The following FAM13A variants were observed in gnomAD, a reference collection of about 807,000 sequenced individuals.
The protein encoded by FAM13A is family with sequence similarity 13 member A.
Under a neutral mutation model 129.6 loss-of-function variants are expected in FAM13A, and 76 were observed. The ratio of observed to expected loss-of-function variants is 0.59; its 90% confidence interval spans 0.49 to 0.71. The LOEUF (loss-of-function observed/expected upper bound fraction) is 0.71. Ranked by LOEUF, FAM13A falls within the 30% of genes least tolerant of loss-of-function variation. The pLI is 0.00. For missense variants in FAM13A, 1,108 were observed against 1,249.3 expected (o/e 0.89, Z 1.70); for synonymous variants, 443 against 449.9 (o/e 0.98, Z 0.20).
chr4:88,940,792 T>C (rs1222286720), intron 4 of FAM13A, among the ~76,000 whole-genome samples: 3 of 152,168 alleles, frequency 2.0e-5, no homozygotes, highest in African/African-American at 4.8e-5. Flanking sequence ...CCCTCAGCCA[T>C]TGTAGCATGA....
In FAM13A at chr4:88,809,799, C is replaced by T. The variant is rs982760183; in HGVS notation, c.1008-4747G>A. ...CAACTGGGGAGGTACGTGGCAGCCACTGTTCTGTTGCTTAGGTTTTTGGTT... is the reference window on the plus strand; with the variant it reads ...CAACTGGGGAGGTACGTGGCAGCCATTGTTCTGTTGCTTAGGTTTTTGGTT... On this transcript the variant is annotated intron_variant, in intron 7 of 23. Transcript: ENST00000264344. 4.6e-5 allele frequency among the ~76,000 whole-genome samples: 7 copies of T among 151,100 alleles called. No homozygotes were observed. The South Asian group carries it at 1.5e-3, about 32-fold the overall frequency.
At chr4:88,961,985 T>A (rs907502668) in intron 4 of FAM13A, among the ~76,000 whole-genome samples, 1 of 149,986 alleles carries the variant, frequency 6.7e-6, no homozygotes, top group African/African-American at 2.5e-5. Context: ...TATAAAACAA[T>A]AGAAAATTAG....
At chr4:88,750,289 G>A in intron 15 of FAM13A, 135 bp downstream of exon 15, 2 of 719,228 alleles carry the variant, frequency 2.8e-6, no homozygotes, top group Non-Finnish European at 4.8e-6. Flanking sequence ...TGTGTCCTAG[G>A]ATGGAGAATT....
intron 6 of FAM13A, among the ~76,000 whole-genome samples, chr4:88,884,322 C>T (rs1023231787): frequency 2.6e-5 from 4 of 152,134 alleles, no homozygotes; most frequent in South Asian, 2.1e-4. Context: ...GGGTTTCACA[C>T]CAGGGATGCA....
rs1458057721 is a variant in FAM13A at position 88,726,726 on chromosome 4, A to T, written c.*1807T>A. ...CATCCTAAAGTGCATCATTTTATTT[A>T]TAATCTCACTCCTTGAAATTATAGC... On this transcript the variant is annotated 3_prime_UTR_variant, in exon 24 of 24. Coordinates refer to ENST00000264344, the MANE Select transcript of FAM13A (RefSeq NM_014883.4). 6.6e-6 allele frequency: 1 copy of T among 152,662 alleles called. No individual in the cohort carries two copies. The highest frequency in any genetic ancestry group is 1.5e-5 in the Non-Finnish European group (1 of 68,040). The allele number at this position is 152,662 out of a possible 1,614,324, so 9.5% of individuals were successfully genotyped here.
chr4:89,025,969 AT>A (rs1767913103), intron 2 of FAM13A, among the ~76,000 whole-genome samples: 2 of 152,240 alleles, frequency 1.3e-5, no homozygotes, highest in Non-Finnish European at 2.9e-5. Context: ...AATTCAAAAA[AT>A]ATTAAAATTT....
intron 19 of FAM13A, among the ~76,000 whole-genome samples, chr4:88,745,820 A>G (rs1389150430): frequency 6.6e-6 from 1 of 151,944 alleles, no homozygotes; most frequent in Non-Finnish European, 1.5e-5. Flanking sequence ...CACTGCAGGG[A>G]CAGGCCAGCA....
intron 3 of FAM13A, among the ~76,000 whole-genome samples, chr4:88,996,226 G>A (rs1763519606): frequency 6.6e-6 from 1 of 152,170 alleles, no homozygotes; most frequent in African/African-American, 2.4e-5. Flanking sequence ...GTCTTTTCTT[G>A]TTTTGTTTTG....
chr4:88,931,590 G>T (rs1442510990), intron 5 of FAM13A, among the ~76,000 whole-genome samples: 1 of 152,006 alleles, frequency 6.6e-6, no homozygotes, highest in Non-Finnish European at 1.5e-5. Context: ...TACTATTCTG[G>T]TCCCTCTCTG....
chr4:88,980,368 T>C (rs897882464), intron 4 of FAM13A, among the ~76,000 whole-genome samples: 3 of 152,198 alleles, frequency 2.0e-5, no homozygotes, highest in Admixed American at 1.3e-4. Context: ...TATGTTACTT[T>C]TGTAATAAAA....
At chr4:88,906,667 G>A (rs1312310919) in intron 5 of FAM13A, among the ~76,000 whole-genome samples, 1 of 152,166 alleles carries the variant, frequency 6.6e-6, no homozygotes, top group Non-Finnish European at 1.5e-5. Flanking sequence ...AGATGGTGAT[G>A]GAGTAGGTGA....
chr4:89,036,082 G>A (rs1288801638), intron 1 of FAM13A, among the ~76,000 whole-genome samples: 1 of 152,186 alleles, frequency 6.6e-6, no homozygotes, highest in Non-Finnish European at 1.5e-5. Context: ...TTTGGAAGTG[G>A]GTAATGTTCA....
At chr4:88,839,123 A>G (rs1735367929) in intron 7 of FAM13A, among the ~76,000 whole-genome samples, 1 of 152,152 alleles carries the variant, frequency 6.6e-6, no homozygotes, top group Admixed American at 6.5e-5. Context: ...TAAAAATGTT[A>G]TACTGTGAAA....
rs570495745 is a variant in FAM13A, at chr4:88,870,511, G to A, written c.844-19328C>T. Among the ~76,000 whole-genome samples, 20 of 152,310 alleles carry A rather than the reference G, an allele frequency of 1.3e-4. No individual in the cohort carries two copies. The South Asian group carries it at 2.7e-3, about 21-fold the overall frequency. ...GCGCCTGGCTTGGGGGGGGTCCCGC[G>A]CCCACAGAGCCTTGCTCATTGCTAG... On this transcript the variant is annotated intron_variant, in intron 6 of 23. Transcript: ENST00000264344.
intron 2 of FAM13A, among the ~76,000 whole-genome samples, chr4:89,024,249 A>G (rs974962049): frequency 6.6e-6 from 1 of 152,134 alleles, no homozygotes; most frequent in African/African-American, 2.4e-5. Flanking sequence ...AAGTAAGCAC[A>G]TTCTGACACC....
intron 14 of FAM13A, among the ~76,000 whole-genome samples, chr4:88,758,205 G>A (rs889267732): frequency 5.3e-5 from 8 of 152,094 alleles, no homozygotes; most frequent in African/African-American, 1.7e-4. Context: ...AGCACTCACT[G>A]TATTACAAGC....
Position 88,726,063 on chromosome 4 carries a change from A to G in FAM13A, c.*2470T>C, listed in dbSNP as rs1432000776. The G allele has an allele frequency of 6.6e-6, 1 of 152,208 alleles. No homozygotes were observed. The highest frequency in any genetic ancestry group is 2.4e-5 in the African/African-American group (1 of 41,446). The allele number at this position is 152,208 out of a possible 1,614,324, so 9.4% of individuals were successfully genotyped here. A position where few individuals can be genotyped will look rare whatever the true frequency, so the allele number is the denominator to read the frequency against. Reference sequence around the variant, plus strand: ...GCTAATTAATAAACACATATTCCCAACACAGCAAAGGAAAAATCCCAGTCC... The same window carrying G: ...GCTAATTAATAAACACATATTCCCAGCACAGCAAAGGAAAAATCCCAGTCC... On this transcript the variant is annotated 3_prime_UTR_variant, in exon 24 of 24. Coordinates refer to ENST00000264344, the MANE Select transcript of FAM13A (RefSeq NM_014883.4).
At chr4:88,826,479 C>A (rs557145011) in intron 7 of FAM13A, among the ~76,000 whole-genome samples, 1 of 152,156 alleles carries the variant, frequency 6.6e-6, no homozygotes, top group Non-Finnish European at 1.5e-5. Flanking sequence ...AACTTGGTAA[C>A]TAGTTATACT....
intron 4 of FAM13A, among the ~76,000 whole-genome samples, chr4:88,985,816 G>A (rs1330426574): frequency 6.8e-6 from 1 of 148,108 alleles, no homozygotes; most frequent in African/African-American, 2.5e-5. Flanking sequence ...CTTTGTCCAA[G>A]CAATGAAGTA....
Sources: gnomAD v4.1 joint callset for allele counts (sites outside exome capture counted in the v4.1 genomes callset) on GRCh38, gnomAD v4.1.1 for gene constraint, MANE v1.5 for transcripts, NCBI Gene and HGNC (gene_info 2026-07-23, HGNC 2026-07-21) for gene names.